The following ROCK1 variants were observed in gnomAD, a reference collection of about 807,000 sequenced individuals.
ROCK1 encodes the protein Rho associated coiled-coil containing protein kinase 1, also known as rho-associated protein kinase 1.
ROCK1 carries 36 observed loss-of-function variants against 196.8 expected under a neutral mutation model. The observed-to-expected ratio is 0.18, with a 90% CI of 0.14 to 0.24. ROCK1 has a LOEUF of 0.24. Ranked by LOEUF, ROCK1 falls within the 10% of genes least tolerant of loss-of-function variation. The probability of loss-of-function intolerance (pLI) is 1.00; values close to 1 mark genes in which losing one functional copy is unlikely to be tolerated. For synonymous variants in ROCK1, 443 were observed against 515.9 expected (o/e 0.86, Z 1.91); for missense variants, 920 against 1,562.0 (o/e 0.59, Z 6.93).
intron 5 of ROCK1, among the ~76,000 whole-genome samples, chr18:21,044,508 G>C (rs913033532): frequency 6.6e-6 from 1 of 152,066 alleles, no homozygotes; most frequent in African/African-American, 2.4e-5. Flanking sequence ...AGATAGGTAA[G>C]TACATAAAAA....
chr18:21,026,811 A>T (rs1032418911), intron 10 of ROCK1, among the ~76,000 whole-genome samples: 1 of 152,188 alleles, frequency 6.6e-6, no homozygotes, highest in Non-Finnish European at 1.5e-5. Flanking sequence ...ATTCCAAAGG[A>T]GTATAATTTG....
chr18:21,013,708 T>A (rs1337349259), intron 13 of ROCK1, among the ~76,000 whole-genome samples: 1 of 152,056 alleles, frequency 6.6e-6, no homozygotes, highest in African/African-American at 2.4e-5. Context: ...GAAGTTGGGG[T>A]GTGCTACAGC....
chr18:20,991,936 C>T (rs1297712925), intron 17 of ROCK1, among the ~76,000 whole-genome samples: 1 of 152,088 alleles, frequency 6.6e-6, no homozygotes, highest in African/African-American at 2.4e-5. Context: ...CCTTGCCTGG[C>T]CTGCTACCAC....
At position 20,959,872 on chromosome 18, in the gene ROCK1, C is replaced by A. The variant is rs1470989676; in HGVS notation, c.3480G>T (p.Glu1160Asp). 1 of 1,611,226 alleles carries A rather than the reference C, an allele frequency of 6.2e-7. No individual in the cohort carries two copies. The highest frequency in any genetic ancestry group is 1.7e-5 in the Admixed American group (1 of 59,780). The change falls in exon 29 of 33, where the codon GAG becomes GAT. Residue 1160 changes from glutamate to aspartate, a missense_variant. Glu to Asp is a conservative substitution (Grantham distance 45). This residue lies in a region of ROCK1 where 116 missense variants were observed against 204.2 expected (regional missense o/e 0.57). Coordinates refer to ENST00000399799, the MANE Select transcript of ROCK1 (RefSeq NM_005406.3). ...CCAATACCATAGATGGATTGGATTG[C>A]TCCTTATCTTGTTCGTCATTATAGA... is the stretch of plus-strand genomic sequence containing the variant. ...ILFYNDEQDK[E>D]QSNPSMVLDI...
At chr18:21,018,560 A>G (rs996811913) in intron 12 of ROCK1, among the ~76,000 whole-genome samples, 4 of 151,830 alleles carry the variant, frequency 2.6e-5, no homozygotes, top group African/African-American at 9.7e-5. Flanking sequence ...TTGGATGTAG[A>G]GACTTCCCAA....
At chr18:21,056,745 C>T (rs980396877) in intron 2 of ROCK1, among the ~76,000 whole-genome samples, 1 of 152,202 alleles carries the variant, frequency 6.6e-6, no homozygotes, top group African/African-American at 2.4e-5. Context: ...GACCTAGCCT[C>T]CCCATTTCCT....
At chr18:20,962,923 T>A (rs768573923) in intron 27 of ROCK1, among the ~76,000 whole-genome samples, 1 of 152,114 alleles carries the variant, frequency 6.6e-6, no homozygotes, top group Non-Finnish European at 1.5e-5. Context: ...CCTACCATAG[T>A]TGCAAGATAA....
chr18:21,066,989 T>C (rs1598550258), intron 2 of ROCK1, among the ~76,000 whole-genome samples: 1 of 152,346 alleles, frequency 6.6e-6, no homozygotes, highest in East Asian at 1.9e-4. Flanking sequence ...TGTATAACTT[T>C]ATAAGAAACA....
chr18:20,969,008 G>T, intron 24 of ROCK1, 107 bp downstream of exon 24: 2 of 886,362 alleles, frequency 2.3e-6, no homozygotes, highest in Non-Finnish European at 3.5e-6. Context: ...GGCTACAGAA[G>T]TTACTTAATA....
chr18:21,110,809 G>T lies in ROCK1; in HGVS notation c.93+9C>A. The T allele has an allele frequency of 6.2e-7, 1 of 1,609,136 alleles. No individual in the cohort carries two copies. The highest frequency in any genetic ancestry group is 1.1e-5 in the South Asian group (1 of 90,960). On this transcript the variant is annotated intron_variant, in intron 1 of 32. Transcript: ENST00000399799. ...CCCCAGACAAGCAAAAGAGAACAGCGCTACTCACCAGCAAACAATCCGAAT... is the reference window on the plus strand; with the variant it reads ...CCCCAGACAAGCAAAAGAGAACAGCTCTACTCACCAGCAAACAATCCGAAT...
At chr18:21,058,370 T>G (rs1231002994) in intron 2 of ROCK1, among the ~76,000 whole-genome samples, 1 of 152,148 alleles carries the variant, frequency 6.6e-6, no homozygotes, top group African/African-American at 2.4e-5. Flanking sequence ...CTAAGATACA[T>G]TCTAATTTCA....
Position 20,992,520 on chromosome 18 carries a change from C to G in ROCK1, c.1992+311G>C, listed in dbSNP as rs1381740526. On this transcript the variant is annotated intron_variant, in intron 17 of 32. Transcript: ENST00000399799. Reference sequence around the variant, plus strand: ...TCTTCATAAGCCCTCACAGCACATTCATCTTACTCATGTACAAAGAAAATA... The same window carrying G: ...TCTTCATAAGCCCTCACAGCACATTGATCTTACTCATGTACAAAGAAAATA... Among the ~76,000 whole-genome samples, 3 of 152,292 alleles carry G rather than the reference C, an allele frequency of 2.0e-5. No homozygotes were observed. In the East Asian group the frequency reaches 5.8e-4, roughly 29 times the overall value.
intron 2 of ROCK1, among the ~76,000 whole-genome samples, chr18:21,069,174 G>C (rs2036362726): frequency 6.6e-6 from 1 of 151,950 alleles, no homozygotes; most frequent in Non-Finnish European, 1.5e-5. Flanking sequence ...ATTGTGAATG[G>C]ATATTAAATT....
intron 27 of ROCK1, among the ~76,000 whole-genome samples, chr18:20,961,941 A>G (rs1400153409): frequency 6.6e-6 from 1 of 151,080 alleles, no homozygotes; most frequent in Non-Finnish European, 1.5e-5. Context: ...AATTGCTGCA[A>G]TTTAGTTCAT....
chr18:21,033,853 C>CA (rs1568389602), intron 9 of ROCK1, among the ~76,000 whole-genome samples: 2 of 20,660 alleles, frequency 9.7e-5, no homozygotes, highest in South Asian at 1.6e-3. Flanking sequence ...CCCGTTTCTA[C>CA]TAAAAAAAAA....
chr18:20,971,703 A>G (rs1204992537), intron 22 of ROCK1, among the ~76,000 whole-genome samples: 1 of 141,096 alleles, frequency 7.1e-6, no homozygotes, highest in African/African-American at 3.1e-5. Flanking sequence ...TAAATAAATA[A>G]ATAAATAAAT....
chr18:21,048,706 T>C (rs965448121), intron 4 of ROCK1, among the ~76,000 whole-genome samples: 2 of 151,994 alleles, frequency 1.3e-5, no homozygotes, highest in African/African-American at 2.4e-5. Context: ...TGTACCACCA[T>C]GCCTCAATAA....
At chr18:21,018,620 A>G (rs544184594) in intron 12 of ROCK1, among the ~76,000 whole-genome samples, 1 of 151,760 alleles carries the variant, frequency 6.6e-6, no homozygotes, top group Admixed American at 6.6e-5. Context: ...TACATATTTT[A>G]TACTTAGAAA....
intron 12 of ROCK1, among the ~76,000 whole-genome samples, 173 bp downstream of exon 12, chr18:21,019,978 A>C (rs1462940630): frequency 6.6e-6 from 1 of 152,134 alleles, no homozygotes; most frequent in Non-Finnish European, 1.5e-5. Flanking sequence ...TAACTAAGCC[A>C]ACATAAATAC....
Sources: allele counts gnomAD v4.1 joint callset (sites outside exome capture counted in the v4.1 genomes callset), GRCh38; gene constraint gnomAD v4.1.1; regional missense constraint gnomAD v4.1.1; transcripts MANE v1.5; gene names NCBI Gene and HGNC (gene_info 2026-07-23, HGNC 2026-07-21).